Variants in NUP210 observed in about 807,000 individuals in gnomAD.
The protein encoded by NUP210 is nuclear pore membrane glycoprotein 210.
A neutral mutation model predicts 196.0 loss-of-function variants in NUP210; 151 were observed. That is an observed-to-expected ratio of 0.77 (90% confidence interval 0.67 to 0.88). The LOEUF (loss-of-function observed/expected upper bound fraction) is 0.88, where lower values mean the gene tolerates loss of function less well. Ranked by LOEUF, NUP210 falls within the 40% of genes least tolerant of loss-of-function variation. The pLI is 0.00. For synonymous variants in NUP210, 1,070 were observed against 1,052.7 expected (o/e 1.02, Z -0.32); for missense variants, 2,314 against 2,493.7 (o/e 0.93, Z 1.53).
intron 6 of NUP210, among the ~76,000 whole-genome samples, chr3:13,382,077 C>T (rs1280803206): frequency 6.6e-6 from 1 of 152,244 alleles, no homozygotes; most frequent in East Asian, 1.9e-4. Context: ...CTCAGCCCAA[C>T]ACATGTGCAT....
intron 28 of NUP210, among the ~76,000 whole-genome samples, 185 bp from the exon 29 acceptor site, chr3:13,332,569 C>T (rs756896229): frequency 6.6e-6 from 1 of 151,574 alleles, no homozygotes; most frequent in South Asian, 2.1e-4. Flanking sequence ...AAGGTGTGGC[C>T]GGGTAGAGTA....
At chr3:13,407,436 T>C (rs1700037230) in intron 1 of NUP210, among the ~76,000 whole-genome samples, 1 of 152,070 alleles carries the variant, frequency 6.6e-6, no homozygotes, top group African/African-American at 2.4e-5. Context: ...CTCCCAATGA[T>C]ACCACCAAGG....
chr3:13,384,378 C>G (rs1381593451), intron 6 of NUP210, among the ~76,000 whole-genome samples: 1 of 152,192 alleles, frequency 6.6e-6, no homozygotes, highest in African/African-American at 2.4e-5. Flanking sequence ...GTTTTGTGAG[C>G]TTCAGGTCTT....
intron 6 of NUP210, among the ~76,000 whole-genome samples, chr3:13,382,979 C>G (rs1471333665): frequency 6.6e-6 from 1 of 151,512 alleles, no homozygotes; most frequent in Non-Finnish European, 1.5e-5. Flanking sequence ...GACCGCATCT[C>G]TATTAAAAAA....
At chr3:13,380,500 CTCACCATTGCGCAGCTA>C (rs1470178010) in intron 6 of NUP210, among the ~76,000 whole-genome samples, 1 of 152,208 alleles carries the variant, frequency 6.6e-6, no homozygotes, top group African/African-American at 2.4e-5. Context: ...GAGCAGCCTG[CTCACCATTGCGCAGCTA>C]GTGGAAAACA....
At chr3:13,373,657 G>C in intron 12 of NUP210, 61 bp downstream of exon 12, 1 of 1,568,142 alleles carries the variant, frequency 6.4e-7, no homozygotes, top group Non-Finnish European at 8.8e-7. Flanking sequence ...CTTGCTCAGA[G>C]GGGGCGGCTG....
Position 13,320,016 on chromosome 3 carries a change from C to T in NUP210, c.5167-37G>A, listed in dbSNP as rs1299667749. ...ATCAGAGCTGGGGGTGCACATTCTG[C>T]AGAGTGGGGGGACCACTGAGCGGGG... On this transcript the variant is annotated intron_variant, in intron 36 of 39. Transcript: ENST00000254508. 2.5e-6 allele frequency: 4 copies of T among 1,589,816 alleles called. No individual in the cohort carries two copies. The Admixed American group carries it at 5.0e-5, about 20-fold the overall frequency.
At chr3:13,318,106 G>A (rs1046091978) in intron 39 of NUP210, among the ~76,000 whole-genome samples, 2 of 152,210 alleles carry the variant, frequency 1.3e-5, no homozygotes, top group Non-Finnish European at 2.9e-5. Context: ...ATGCAGCCTC[G>A]GGCAAGAGCG....
chr3:13,344,866 G>A, intron 20 of NUP210: 2 of 937,872 alleles, frequency 2.1e-6, no homozygotes, highest in Non-Finnish European at 2.5e-6. Context: ...TCCACCTGCT[G>A]GCTCCAAGTC....
intron 1 of NUP210, among the ~76,000 whole-genome samples, chr3:13,410,546 G>A (rs562628277): frequency 1.3e-5 from 2 of 151,156 alleles, no homozygotes; most frequent in Non-Finnish European, 1.5e-5. Flanking sequence ...AACACTTTGG[G>A]AGGCCAAGGT....
At chr3:13,364,655 CCT>C (rs1698471584) in intron 14 of NUP210, among the ~76,000 whole-genome samples, 1 of 152,044 alleles carries the variant, frequency 6.6e-6, no homozygotes, top group African/African-American at 2.4e-5. Flanking sequence ...ATGGAGAAAC[CCT>C]GTCTCTACTA....
rs1439670423 is a variant in NUP210, at chr3:13,358,388, G to A, written c.2162C>T (p.Ala721Val). The A allele has an allele frequency of 2.5e-6, 4 of 1,610,146 alleles. No individual in the cohort carries two copies. The East Asian group carries it at 6.7e-5, about 27-fold the overall frequency. The change falls in exon 16 of 40, where the codon GCC (alanine) becomes GTC (valine). Residue 721 changes from alanine (A) to valine (V), a missense_variant. Coordinates refer to ENST00000254508, the MANE Select transcript of NUP210 (RefSeq NM_024923.4). ...GCTGGGCTTGTTCCCCACCGACAGG[G>A]CGATGACCTGGTAGGGCACAGTGAA... is the stretch of plus-strand genomic sequence containing the variant. The part of the protein sequence containing the change: ...TCQALGEQVI[A>V]LSVGNKPSLT...
chr3:13,325,122 C>T (rs562737715), intron 33 of NUP210, among the ~76,000 whole-genome samples: 1 of 152,310 alleles, frequency 6.6e-6, no homozygotes, highest in South Asian at 2.1e-4. Context: ...CTCCCACACC[C>T]TCTGTTCCAG....
chr3:13,327,899 G>A (rs889388565), intron 31 of NUP210, among the ~76,000 whole-genome samples: 1 of 152,242 alleles, frequency 6.6e-6, no homozygotes. Context: ...CCTGGCATAA[G>A]CATTACATGA....
chr3:13,408,787 CAAA>C (rs57395477), intron 1 of NUP210, among the ~76,000 whole-genome samples: 5 of 77,010 alleles, frequency 6.5e-5, no homozygotes, highest in Admixed American at 2.9e-4. Flanking sequence ...GACTCTGTCT[CAAA>C]AAAAAAAAAA....
intron 36 of NUP210, among the ~76,000 whole-genome samples, chr3:13,320,847 G>C (rs1696494548): frequency 6.7e-6 from 1 of 150,220 alleles, no homozygotes. Flanking sequence ...AGCCCAGATT[G>C]CGCCACTGCA....
intron 4 of NUP210, among the ~76,000 whole-genome samples, 182 bp downstream of exon 4, chr3:13,391,029 C>G (rs1476353954): frequency 6.6e-6 from 1 of 152,328 alleles, no homozygotes; most frequent in African/African-American, 2.4e-5. Flanking sequence ...AGCCAGGCTC[C>G]CGCACAATGG....
chr3:13,330,146 G>A (rs539111830), intron 30 of NUP210, among the ~76,000 whole-genome samples: 3 of 152,378 alleles, frequency 2.0e-5, no homozygotes, highest in Admixed American at 1.3e-4. Context: ...AGTGGGTGGA[G>A]CACCCGCACT....
At chr3:13,368,935 G>A (rs560962844) in intron 13 of NUP210, among the ~76,000 whole-genome samples, 1 of 152,192 alleles carries the variant, frequency 6.6e-6, no homozygotes, top group African/African-American at 2.4e-5. Flanking sequence ...CAACACCTTT[G>A]GATGTGCACC....
Sources: gnomAD v4.1 joint callset for allele counts (sites outside exome capture counted in the v4.1 genomes callset) on GRCh38, gnomAD v4.1.1 for gene constraint, MANE v1.5 for transcripts, NCBI Gene and HGNC (gene_info 2026-07-23, HGNC 2026-07-21) for gene names.